Variants in ADAM22 observed in about 807,000 individuals in gnomAD.
The protein encoded by ADAM22 is ADAM metallopeptidase domain 22, also known as disintegrin and metalloproteinase domain-containing protein 22.
A neutral mutation model predicts 144.6 loss-of-function variants in ADAM22; 65 were observed. The observed-to-expected ratio is 0.45, with a 90% CI of 0.37 to 0.55. The LOEUF (loss-of-function observed/expected upper bound fraction) is 0.55. Ranked by LOEUF, ADAM22 falls within the 20% of genes least tolerant of loss-of-function variation. The probability of loss-of-function intolerance (pLI) is 0.00; values close to 1 mark genes in which losing one functional copy is unlikely to be tolerated. For synonymous variants in ADAM22, 391 were observed against 412.6 expected (o/e 0.95, Z 0.63); for missense variants, 974 against 1,184.9 (o/e 0.82, Z 2.61).
At chr7:87,961,045 C>T (rs1201795197) in intron 2 of ADAM22, among the ~76,000 whole-genome samples, 2 of 151,984 alleles carry the variant, frequency 1.3e-5, no homozygotes, top group Admixed American at 6.6e-5. Flanking sequence ...GTGATAAGTA[C>T]TATGGAAAAT....
Position 88,201,198 on chromosome 7 carries a change from A to G in ADAM22, c.*4707A>G, listed in dbSNP as rs1851180608. On this transcript the variant is annotated 3_prime_UTR_variant, in exon 32 of 32. Transcript: ENST00000413139. ...TTGTTTGTAAGCAGAAAAACAAAAC[A>G]TTCAAAACCAAAAACCTAATTAGTA... The G allele has an allele frequency of 6.6e-6, 1 of 152,224 alleles. No homozygotes were observed. Among genetic ancestry groups the G allele is most frequent in the African/African-American group, 2.4e-5 (1 of 41,462 alleles). 9.4% of individuals were successfully genotyped at this position (152,224 alleles called of 1,614,324 possible). A position where few individuals can be genotyped will look rare whatever the true frequency, so the allele number is the denominator to read the frequency against.
chr7:88,078,269 A>C (rs1490719226), intron 4 of ADAM22, among the ~76,000 whole-genome samples: 1 of 152,236 alleles, frequency 6.6e-6, no homozygotes, highest in Admixed American at 6.5e-5. Flanking sequence ...AGTAAACTCC[A>C]ACAGACCTGC....
At chr7:88,015,578 G>A (rs1255668724) in intron 3 of ADAM22, among the ~76,000 whole-genome samples, 1 of 152,142 alleles carries the variant, frequency 6.6e-6, no homozygotes, top group African/African-American at 2.4e-5. Context: ...AACTGGAGGA[G>A]GAGATGGAAA....
At chr7:88,097,239 C>T (rs1268293717) in intron 4 of ADAM22, among the ~76,000 whole-genome samples, 1 of 150,634 alleles carries the variant, frequency 6.6e-6, no homozygotes, top group East Asian at 1.9e-4. Flanking sequence ...GCAACCTCCA[C>T]CTCCCACGTT....
intron 3 of ADAM22, among the ~76,000 whole-genome samples, chr7:87,989,858 G>T (rs1223745345): frequency 6.6e-6 from 1 of 152,086 alleles, no homozygotes; most frequent in African/African-American, 2.4e-5. Context: ...GGAGTTTGCA[G>T]TGAGCAGAGA....
intron 22 of ADAM22, among the ~76,000 whole-genome samples, chr7:88,157,901 G>T (rs1034139097): frequency 1.3e-5 from 2 of 151,996 alleles, no homozygotes; most frequent in African/African-American, 4.8e-5. Context: ...AATAAATGAA[G>T]TGAATGGGGA....
At chr7:88,162,033 T>C (rs1841794015) in intron 22 of ADAM22, among the ~76,000 whole-genome samples, 1 of 149,936 alleles carries the variant, frequency 6.7e-6, no homozygotes, top group South Asian at 2.1e-4. Flanking sequence ...CTGTTCACAG[T>C]CTCAAAGACA....
intron 21 of ADAM22, among the ~76,000 whole-genome samples, chr7:88,154,691 A>G (rs888709618): frequency 1.3e-5 from 2 of 152,182 alleles, no homozygotes; most frequent in Non-Finnish European, 2.9e-5. Flanking sequence ...AGGTTCATAT[A>G]CATAAATGAC....
intron 27 of ADAM22, among the ~76,000 whole-genome samples, chr7:88,180,392 T>G (rs934475425): frequency 6.6e-6 from 1 of 152,112 alleles, no homozygotes; most frequent in African/African-American, 2.4e-5. Context: ...GCAGAATTTC[T>G]GTTGTTCTTT....
intron 4 of ADAM22, among the ~76,000 whole-genome samples, chr7:88,101,429 A>ACC (rs1158608638): frequency 6.6e-6 from 1 of 152,008 alleles, no homozygotes; most frequent in Non-Finnish European, 1.5e-5. Context: ...ACTGGCCCTG[A>ACC]CCCTTTTAGC....
chr7:87,982,700 A>ATATATATATATATATATT (rs1853955774), intron 3 of ADAM22, among the ~76,000 whole-genome samples: 2 of 56,078 alleles, frequency 3.6e-5, no homozygotes, highest in Admixed American at 2.4e-4. Flanking sequence ...TATATATATA[A>ATATATATATATATATATT]TTTTTTTTTT....
At chr7:88,070,325 G>A (rs1812390558) in intron 3 of ADAM22, among the ~76,000 whole-genome samples, 1 of 152,162 alleles carries the variant, frequency 6.6e-6, no homozygotes, top group Non-Finnish European at 1.5e-5. Flanking sequence ...AAACTCTTTT[G>A]TCTAGCTGAG....
At chr7:88,121,622 G>A (rs938728642) in intron 7 of ADAM22, among the ~76,000 whole-genome samples, 4 of 152,042 alleles carry the variant, frequency 2.6e-5, no homozygotes, top group African/African-American at 9.7e-5. Flanking sequence ...TTGTTGTCAG[G>A]CCTCAGTACC....
At chr7:87,996,161 T>G (rs556578721) in intron 3 of ADAM22, among the ~76,000 whole-genome samples, 61 of 152,304 alleles carry the variant, frequency 4.0e-4, no homozygotes, top group Middle Eastern at 3.4e-3. Flanking sequence ...TTTGTAATCA[T>G]GGGGGCAGGA....
intron 4 of ADAM22, among the ~76,000 whole-genome samples, chr7:88,076,553 A>C (rs930896962): frequency 1.3e-5 from 2 of 152,086 alleles, no homozygotes; most frequent in African/African-American, 4.8e-5. Context: ...TAAAATGTAA[A>C]ATTGTTAGAT....
At chr7:88,124,289 C>CA (rs1382462964) in intron 7 of ADAM22, among the ~76,000 whole-genome samples, 1 of 151,730 alleles carries the variant, frequency 6.6e-6, no homozygotes, top group Non-Finnish European at 1.5e-5. Flanking sequence ...TATTTTAAAA[C>CA]TCTGTTATTA....
At chr7:88,079,141 T>G (rs1185773546) in intron 4 of ADAM22, among the ~76,000 whole-genome samples, 2 of 152,172 alleles carry the variant, frequency 1.3e-5, no homozygotes, top group Non-Finnish European at 2.9e-5. Context: ...GACTAACAGC[T>G]GATCTCTTGG....
intron 3 of ADAM22, among the ~76,000 whole-genome samples, chr7:88,048,089 A>C (rs1805167618): frequency 6.6e-6 from 1 of 152,114 alleles, no homozygotes; most frequent in African/African-American, 2.4e-5. Flanking sequence ...TTTGAAATAA[A>C]TATTTTCCCT....
intron 2 of ADAM22, among the ~76,000 whole-genome samples, chr7:87,953,662 T>C (rs1257355419): frequency 6.6e-6 from 1 of 152,202 alleles, no homozygotes. Context: ...TTAGGTCCGC[T>C]TGTTGCAGAG....
Sources: gnomAD v4.1 joint callset for allele counts (sites outside exome capture counted in the v4.1 genomes callset) on GRCh38, gnomAD v4.1.1 for gene constraint, MANE v1.5 for transcripts, NCBI Gene and HGNC (gene_info 2026-07-23, HGNC 2026-07-21) for gene names.